KCNH1: variants seen among roughly 807,000 people sequenced by gnomAD.
KCNH1 encodes voltage-gated delayed rectifier potassium channel KCNH1.
KCNH1 carries 27 observed loss-of-function variants against 69.2 expected under a neutral mutation model. The observed-to-expected ratio is 0.39, with a 90% confidence interval of 0.29 to 0.54. The LOEUF (loss-of-function observed/expected upper bound fraction) is 0.54, where lower values mean the gene tolerates loss of function less well. KCNH1 is among the 20% of genes least tolerant of loss of function. The pLI is 0.68. For synonymous variants in KCNH1, 456 were observed against 487.7 expected (o/e 0.93, Z 0.86); for missense variants, 798 against 1,261.6 (o/e 0.63, Z 5.57).
intron 5 of KCNH1, among the ~76,000 whole-genome samples, chr1:211,059,933 T>G (rs1279488218): frequency 1.3e-5 from 2 of 152,126 alleles, no homozygotes; most frequent in African/African-American, 2.4e-5. Context: ...AAAATACACA[T>G]TCTTCTCCTC....
chr1:210,827,944 G>C (rs150099059), intron 7 of KCNH1, among the ~76,000 whole-genome samples: 1,623 of 152,184 alleles, frequency 0.011, 13 homozygotes, highest in South Asian at 0.017. Context: ...AGTAAGGTTG[G>C]TGGAGTCATT....
chr1:210,814,462 A>C (rs1375271149), intron 7 of KCNH1, among the ~76,000 whole-genome samples: 1 of 152,162 alleles, frequency 6.6e-6, no homozygotes, highest in Admixed American at 6.5e-5. Flanking sequence ...CACTAAGTTT[A>C]TCATCAGATG....
intron 6 of KCNH1, among the ~76,000 whole-genome samples, chr1:210,987,238 T>G (rs1331936885): frequency 6.6e-6 from 1 of 152,168 alleles, no homozygotes; most frequent in Non-Finnish European, 1.5e-5. Context: ...ACTTCCTCCT[T>G]TAGCTCGGAG....
chr1:211,009,792 A>G (rs1434752192), intron 6 of KCNH1, among the ~76,000 whole-genome samples: 1 of 151,972 alleles, frequency 6.6e-6, no homozygotes, highest in African/African-American at 2.4e-5. Context: ...TATTTTTAGT[A>G]GAGACCGAGT....
At chr1:210,756,113 G>GCT (rs752221189) in intron 10 of KCNH1, among the ~76,000 whole-genome samples, 18 of 152,072 alleles carry the variant, frequency 1.2e-4, no homozygotes, top group African/African-American at 1.9e-4. Flanking sequence ...CTCTACAGGT[G>GCT]CTCTCCTCTT....
intron 10 of KCNH1, among the ~76,000 whole-genome samples, chr1:210,713,665 C>T (rs192834118): frequency 1.3e-5 from 2 of 152,278 alleles, no homozygotes; most frequent in East Asian, 3.9e-4. Context: ...TTTTTCTTCC[C>T]TCAACCTGCA....
intron 6 of KCNH1, among the ~76,000 whole-genome samples, chr1:210,973,340 C>T (rs59431775): frequency 0.087 from 13,279 of 152,090 alleles, 1,634 homozygotes; most frequent in African/African-American, 0.28. Flanking sequence ...TACTATCTTT[C>T]GGTTAATGGA....
intron 3 of KCNH1, among the ~76,000 whole-genome samples, chr1:211,100,268 A>T (rs1003022151): frequency 9.2e-5 from 14 of 152,226 alleles, no homozygotes; most frequent in Non-Finnish European, 2.1e-4. Context: ...CTTTTAAGAC[A>T]GATTCTAAAC....
At chr1:211,019,284 A>G in intron 5 of KCNH1, 28 bp from the exon 6 acceptor site, 1 of 1,454,802 alleles carries the variant, frequency 6.9e-7, no homozygotes, top group Non-Finnish European at 9.4e-7. Flanking sequence ...ACCAAGAGAG[A>G]ACTAAGTTAG....
chr1:210,951,514 A>T (rs1186966455), intron 6 of KCNH1, among the ~76,000 whole-genome samples: 1 of 152,150 alleles, frequency 6.6e-6, no homozygotes, highest in Non-Finnish European at 1.5e-5. Context: ...ATCTGCTGGC[A>T]GTTTGTCGGT....
intron 6 of KCNH1, among the ~76,000 whole-genome samples, chr1:210,968,095 C>T (rs1688443285): frequency 6.6e-6 from 1 of 151,380 alleles, no homozygotes; most frequent in Admixed American, 6.6e-5. Context: ...TCAGTTCCCA[C>T]CTATGAGTGA....
chr1:210,847,280 C>G (rs931412493), intron 7 of KCNH1, among the ~76,000 whole-genome samples: 3 of 152,094 alleles, frequency 2.0e-5, no homozygotes, highest in Admixed American at 2.0e-4. Context: ...CACATGCACA[C>G]GTATGTTTAT....
In KCNH1 at chr1:210,919,010, T is replaced by C. The variant is rs1013626865; in HGVS notation, c.1462+630A>G. 7.6e-6 allele frequency: 1 copy of C among 131,746 alleles called. No individual in the cohort carries two copies. Among genetic ancestry groups the C allele is most frequent in the Admixed American group, 7.6e-5 (1 of 13,078 alleles). 8.2% of individuals were successfully genotyped at this position (131,746 alleles called of 1,614,324 possible). A position where few individuals can be genotyped will look rare whatever the true frequency, so the allele number is the denominator to read the frequency against. ...ATTAGACTATATGCCAAGCTACAGC[T>C]ATGTTCAAATTGACATGTAGGACAT... On this transcript the variant is annotated intron_variant, in intron 7 of 10. Transcript: ENST00000271751. This position sits in a 1 kb window ranked among gnomAD's most constrained non-coding sequence, Gnocchi z 4.2.
chr1:210,770,105 A>G (rs1333842426), intron 10 of KCNH1, among the ~76,000 whole-genome samples: 1 of 152,206 alleles, frequency 6.6e-6, no homozygotes, highest in Non-Finnish European at 1.5e-5. Flanking sequence ...ACAGGAACAG[A>G]AAACCAAACA....
chr1:210,733,947 TCTCACACA>T (rs201104597), intron 10 of KCNH1, among the ~76,000 whole-genome samples: 5,003 of 142,050 alleles, frequency 0.035, 199 homozygotes, highest in African/African-American at 0.099. Context: ...TGTCTGTCTG[TCTCACACA>T]CACACACACA....
At chr1:210,738,496 T>A (rs1247396081) in intron 10 of KCNH1, among the ~76,000 whole-genome samples, 1 of 149,122 alleles carries the variant, frequency 6.7e-6, no homozygotes, top group Non-Finnish European at 1.5e-5. Flanking sequence ...AATGGATCCA[T>A]CCCAGCAGTA....
intron 6 of KCNH1, among the ~76,000 whole-genome samples, chr1:210,941,055 T>C (rs1687867154): frequency 6.6e-6 from 1 of 152,208 alleles, no homozygotes. Flanking sequence ...AGTATAGTAC[T>C]GGTCCACTTA....
At chr1:210,905,135 G>A (rs796860467) in intron 7 of KCNH1, among the ~76,000 whole-genome samples, 2 of 152,136 alleles carry the variant, frequency 1.3e-5, no homozygotes, top group East Asian at 3.8e-4. Flanking sequence ...ACAGGTCTTC[G>A]ATACACACAA....
intron 6 of KCNH1, among the ~76,000 whole-genome samples, chr1:211,001,877 G>A (rs35683927): frequency 0.24 from 35,627 of 151,396 alleles, 5,732 homozygotes; most frequent in African/African-American, 0.45. Flanking sequence ...CATGGATGAA[G>A]CTAGAACCAT....
Sources: allele counts gnomAD v4.1 joint callset (sites outside exome capture counted in the v4.1 genomes callset), GRCh38; gene constraint gnomAD v4.1.1; non-coding constraint Gnocchi (gnomAD v3.1); transcripts MANE v1.5; gene names NCBI Gene and HGNC (gene_info 2026-07-23, HGNC 2026-07-21).